RIN2: variants seen among roughly 807,000 people sequenced by gnomAD.
RIN2 encodes RAB5 interacting protein 2.
In RIN2, 36 loss-of-function variants were observed where a neutral mutation model predicts 78.0. That is an observed-to-expected ratio of 0.46 (90% CI 0.35 to 0.61). The LOEUF (loss-of-function observed/expected upper bound fraction) is 0.61. RIN2 is among the 20% of genes least tolerant of loss of function. RIN2 has a pLI of 0.00. For synonymous variants in RIN2, 466 were observed against 466.8 expected (o/e 1.00, Z 0.02); for missense variants, 1,087 against 1,159.7 (o/e 0.94, Z 0.91).
Position 19,978,838 on chromosome 20 carries a change from A to G in RIN2, c.1762+3051A>G, listed in dbSNP as rs556002085. Among the ~76,000 whole-genome samples, 11 of 152,352 alleles carry G rather than the reference A, an allele frequency of 7.2e-5. No homozygotes were observed. In the South Asian group the frequency reaches 1.4e-3, roughly 20 times the overall value. Reference sequence around the variant, plus strand: ...CAGAGTGGTACATGGAAGAACAGACAAATGCTTTAATAAGAAGTGTGCAGT... The same window carrying G: ...CAGAGTGGTACATGGAAGAACAGACGAATGCTTTAATAAGAAGTGTGCAGT... On this transcript the variant is annotated intron_variant, in intron 9 of 12. Transcript: ENST00000255006.
rs541567249 is a variant in RIN2, at chr20:19,861,488, C to A, written c.-36-28078C>A. ...CTGCTAAGTAGGTTGAGCAAGAACG[C>A]CCTGCCCTCGATATCTGATCACCCT... On this transcript the variant is annotated intron_variant, in intron 2 of 12. Transcript: ENST00000255006. 6.6e-5 allele frequency among the ~76,000 whole-genome samples: 10 copies of A among 152,298 alleles called. No individual in the cohort carries two copies. In the East Asian group the frequency reaches 1.9e-3, roughly 29 times the overall value.
At chr20:19,786,767 A>G (rs953676309) in intron 1 of RIN2, among the ~76,000 whole-genome samples, 3 of 152,342 alleles carry the variant, frequency 2.0e-5, no homozygotes, top group African/African-American at 7.2e-5. Context: ...GCTGTTTTGG[A>G]TAATTTTTAT....
intron 3 of RIN2, among the ~76,000 whole-genome samples, chr20:19,923,894 T>C (rs781413930): frequency 3.3e-5 from 5 of 151,968 alleles, no homozygotes; most frequent in African/African-American, 9.7e-5. Flanking sequence ...AGGGCTAGGA[T>C]AGACAATTGA....
At chr20:19,937,333 G>C (rs2146132498) in intron 4 of RIN2, among the ~76,000 whole-genome samples, 1 of 152,278 alleles carries the variant, frequency 6.6e-6, no homozygotes, top group Admixed American at 6.5e-5. Context: ...AACCCCTGGA[G>C]AAAGAAGTGG....
chr20:19,968,095 CA>C (rs1228637718), intron 7 of RIN2, among the ~76,000 whole-genome samples: 2 of 152,312 alleles, frequency 1.3e-5, no homozygotes, highest in East Asian at 3.9e-4. Flanking sequence ...ACCCTCACTT[CA>C]CCTCCATTAG....
intron 2 of RIN2, among the ~76,000 whole-genome samples, chr20:19,879,491 G>A (rs16981265): frequency 0.16 from 24,774 of 152,102 alleles, 2,550 homozygotes; most frequent in East Asian, 0.29. Context: ...CATGGAATCC[G>A]TGGGCTTACA....
At chr20:19,851,952 A>G (rs997313467) in intron 2 of RIN2, among the ~76,000 whole-genome samples, 1 of 152,096 alleles carries the variant, frequency 6.6e-6, no homozygotes, top group African/African-American at 2.4e-5. Flanking sequence ...GGCTGGGCTC[A>G]TCTGGGCTCA....
At chr20:19,805,024 G>A (rs892858419) in intron 2 of RIN2, among the ~76,000 whole-genome samples, 1 of 152,084 alleles carries the variant, frequency 6.6e-6, no homozygotes, top group African/African-American at 2.4e-5. Context: ...AGTTTATTTA[G>A]GTAGGCACTA....
chr20:19,920,004 G>A (rs1167986340), intron 3 of RIN2, among the ~76,000 whole-genome samples: 1 of 151,898 alleles, frequency 6.6e-6, no homozygotes, highest in South Asian at 2.1e-4. Context: ...TAGAAAGAAC[G>A]TCATCCCAGG....
chr20:19,907,086 CAG>C (rs2039250455), intron 3 of RIN2, among the ~76,000 whole-genome samples: 7 of 151,948 alleles, frequency 4.6e-5, no homozygotes, highest in Admixed American at 4.6e-4. Flanking sequence ...GGAAGGGCAG[CAG>C]AGAGTACATG....
chr20:19,794,650 T>A (rs2034996941), intron 1 of RIN2, among the ~76,000 whole-genome samples: 1 of 152,104 alleles, frequency 6.6e-6, no homozygotes, highest in Non-Finnish European at 1.5e-5. Flanking sequence ...ACTACTTCAG[T>A]TTCTAGAGTT....
chr20:19,793,990 A>G (rs577525458), intron 1 of RIN2, among the ~76,000 whole-genome samples: 1 of 152,328 alleles, frequency 6.6e-6, no homozygotes, highest in Non-Finnish European at 1.5e-5. Flanking sequence ...TTCAGTACCT[A>G]ACAAAAATCA....
chr20:19,992,342 T>G, intron 11 of RIN2, 43 bp downstream of exon 11: 2 of 1,509,740 alleles, frequency 1.3e-6, no homozygotes, highest in Non-Finnish European at 1.8e-6. Flanking sequence ...GGTGCTATTT[T>G]TTTCATTTTT....
At chr20:19,791,551 C>T (rs2034890900) in intron 1 of RIN2, among the ~76,000 whole-genome samples, 1 of 152,138 alleles carries the variant, frequency 6.6e-6, no homozygotes, top group Non-Finnish European at 1.5e-5. Context: ...AACATGACTT[C>T]TCTAGGGAAA....
At chr20:19,993,219 T>A (rs1279814045) in intron 11 of RIN2, among the ~76,000 whole-genome samples, 3 of 152,068 alleles carry the variant, frequency 2.0e-5, no homozygotes, top group Non-Finnish European at 4.4e-5. Flanking sequence ...TTAATCCATT[T>A]TTATATATCC....
intron 8 of RIN2, among the ~76,000 whole-genome samples, chr20:19,971,410 C>T (rs929813026): frequency 5.3e-5 from 8 of 152,184 alleles, no homozygotes; most frequent in Non-Finnish European, 1.0e-4. Context: ...TAAGTCCCCA[C>T]AATTCTGCCG....
chr20:19,958,794 AGGAGGT>A (rs1185840731), intron 5 of RIN2, among the ~76,000 whole-genome samples: 2 of 152,190 alleles, frequency 1.3e-5, no homozygotes, highest in Non-Finnish European at 2.9e-5. Flanking sequence ...GCTTGAACCC[AGGAGGT>A]GGAGGTTGCA....
chr20:19,962,038 C>T (rs1333358525), intron 6 of RIN2, among the ~76,000 whole-genome samples: 1 of 151,906 alleles, frequency 6.6e-6, no homozygotes, highest in African/African-American at 2.4e-5. Flanking sequence ...CCATGGCTCA[C>T]ACCTGTAATC....
chr20:19,859,397 C>CGAA (rs2037265332), intron 2 of RIN2, among the ~76,000 whole-genome samples: 1 of 152,198 alleles, frequency 6.6e-6, no homozygotes, highest in Non-Finnish European at 1.5e-5. Flanking sequence ...TGCTTCCATC[C>CGAA]GAAGATTGAC....
Sources: allele counts gnomAD v4.1 joint callset (sites outside exome capture counted in the v4.1 genomes callset), GRCh38; gene constraint gnomAD v4.1.1; transcripts MANE v1.5; gene names NCBI Gene and HGNC (gene_info 2026-07-23, HGNC 2026-07-21).